SLC2A12: variants seen among roughly 807,000 people sequenced by gnomAD.
The protein encoded by SLC2A12 is solute carrier family 2 member 12.
Under a neutral mutation model 41.8 loss-of-function variants are expected in SLC2A12, and 23 were observed. The ratio of observed to expected loss-of-function variants is 0.55; its 90% CI spans 0.40 to 0.78. The LOEUF is 0.78. SLC2A12 is among the 30% of genes least tolerant of loss of function. The pLI is 0.00. For synonymous variants in SLC2A12, 295 were observed against 285.9 expected (o/e 1.03, Z -0.32); for missense variants, 654 against 745.6 (o/e 0.88, Z 1.43).
At chr6:134,043,371 G>A (rs1777410146) in intron 1 of SLC2A12, among the ~76,000 whole-genome samples, 1 of 152,072 alleles carries the variant, frequency 6.6e-6, no homozygotes, top group South Asian at 2.1e-4. Flanking sequence ...ACCATAAGGG[G>A]CCTGCAACTA....
intron 4 of SLC2A12, among the ~76,000 whole-genome samples, chr6:133,996,848 G>A (rs562083306): frequency 4.6e-5 from 7 of 151,998 alleles, no homozygotes; most frequent in Non-Finnish European, 1.0e-4. Context: ...TTTCTCTGTT[G>A]GAAACCTTGT....
chr6:134,032,050 G>A (rs1204987304), intron 1 of SLC2A12, among the ~76,000 whole-genome samples: 1 of 152,124 alleles, frequency 6.6e-6, no homozygotes, highest in Non-Finnish European at 1.5e-5. Flanking sequence ...AGCTAAGGCT[G>A]CCTTTTCGGG....
At chr6:134,015,512 C>A (rs1398651380) in intron 2 of SLC2A12, among the ~76,000 whole-genome samples, 2 of 152,126 alleles carry the variant, frequency 1.3e-5, no homozygotes, top group East Asian at 3.8e-4. Flanking sequence ...TAACCCTCTC[C>A]TGTTCAAAAA....
chr6:134,023,865 C>G (rs1271136965), intron 2 of SLC2A12, among the ~76,000 whole-genome samples: 1 of 152,148 alleles, frequency 6.6e-6, no homozygotes, highest in African/African-American at 2.4e-5. Flanking sequence ...AGGCCAGAGT[C>G]TGTTACTGTG....
At chr6:134,020,265 G>T (rs983717261) in intron 2 of SLC2A12, among the ~76,000 whole-genome samples, 2 of 152,180 alleles carry the variant, frequency 1.3e-5, no homozygotes, top group Non-Finnish European at 2.9e-5. Context: ...GTCTAATAAG[G>T]ATGGTTTAAT....
At chr6:134,041,016 G>A (rs1777375014) in intron 1 of SLC2A12, among the ~76,000 whole-genome samples, 1 of 152,130 alleles carries the variant, frequency 6.6e-6, no homozygotes, top group African/African-American at 2.4e-5. Flanking sequence ...ATGTCTGTAT[G>A]TTATTTTTCT....
At chr6:134,032,425 T>TAG (rs1562201589) in intron 1 of SLC2A12, among the ~76,000 whole-genome samples, 1 of 32,140 alleles carries the variant, frequency 3.1e-5, no homozygotes, top group African/African-American at 1.5e-4. Context: ...TATATATATA[T>TAG]TTATATATAT....
intron 1 of SLC2A12, 105 bp from the exon 2 acceptor site, chr6:134,029,826 G>C (rs1407804815): frequency 7.4e-7 from 1 of 1,348,856 alleles, no homozygotes; most frequent in African/African-American, 1.5e-5. Flanking sequence ...CATAGCACTG[G>C]GTTTAAACGA....
chr6:134,005,751 A>T (rs1178389400), intron 3 of SLC2A12, among the ~76,000 whole-genome samples: 2 of 150,516 alleles, frequency 1.3e-5, no homozygotes, highest in Non-Finnish European at 3.0e-5. Context: ...TTTGAAAATA[A>T]AAGTTTGTTA....
chr6:134,027,870 A>G (rs1030162766), intron 2 of SLC2A12, among the ~76,000 whole-genome samples: 1 of 152,186 alleles, frequency 6.6e-6, no homozygotes, highest in Non-Finnish European at 1.5e-5. Context: ...ATGGGAGGCT[A>G]CTCTAGTGAA....
intron 1 of SLC2A12, among the ~76,000 whole-genome samples, chr6:134,039,282 A>G (rs1204591178): frequency 6.6e-6 from 1 of 152,164 alleles, no homozygotes; most frequent in Admixed American, 6.5e-5. Context: ...CTGCTGTTGC[A>G]GTTTCATTCC....
At chr6:134,045,496 T>C (rs1302644271) in intron 1 of SLC2A12, among the ~76,000 whole-genome samples, 2 of 152,228 alleles carry the variant, frequency 1.3e-5, no homozygotes, top group African/African-American at 4.8e-5. Context: ...CGGCTAGACT[T>C]TGATAAGTCC....
intron 1 of SLC2A12, among the ~76,000 whole-genome samples, chr6:134,032,458 A>ATT (rs1777229536): frequency 2.2e-4 from 8 of 35,700 alleles, no homozygotes; most frequent in African/African-American, 8.9e-4. Flanking sequence ...AAATATATAT[A>ATT]TATATATTTT....
chr6:134,020,855 T>C lies in SLC2A12; in HGVS notation c.1444+7526A>G, dbSNP rs115550042. 5.2e-3 allele frequency among the ~76,000 whole-genome samples: 792 copies of C among 152,278 alleles called. 8 individuals carry two copies. The highest frequency in any genetic ancestry group is 0.018 in the African/African-American group (731 of 41,548). ...TCCAAACTTCCTTCAACCCTGAGAT[T>C]CTCCAACTCGTTGGCATTGCTTCTG... On this transcript the variant is annotated intron_variant, in intron 2 of 4. Coordinates refer to ENST00000275230, the MANE Select transcript of SLC2A12 (RefSeq NM_145176.3).
chr6:134,004,504 C>T (rs898399006), intron 3 of SLC2A12, among the ~76,000 whole-genome samples: 1 of 152,114 alleles, frequency 6.6e-6, no homozygotes, highest in Non-Finnish European at 1.5e-5. Context: ...TTTCAGCAAA[C>T]ATCCATTTTT....
chr6:133,993,220 A>G (rs945170178), intron 4 of SLC2A12, among the ~76,000 whole-genome samples: 1 of 152,022 alleles, frequency 6.6e-6, no homozygotes, highest in Non-Finnish European at 1.5e-5. Context: ...CTTAAATACC[A>G]CTTATAAGCT....
intron 2 of SLC2A12, among the ~76,000 whole-genome samples, chr6:134,021,248 C>A (rs533012186): frequency 4.6e-5 from 7 of 152,228 alleles, no homozygotes; most frequent in African/African-American, 1.7e-4. Flanking sequence ...GTAAAGAAGC[C>A]CAATTTGACA....
intron 2 of SLC2A12, among the ~76,000 whole-genome samples, chr6:134,027,219 T>A (rs980950041): frequency 6.6e-6 from 1 of 152,178 alleles, no homozygotes; most frequent in African/African-American, 2.4e-5. Context: ...TACATATTGC[T>A]TGAATTAATA....
chr6:133,987,624 T>TTG lies in SLC2A12; in HGVS notation c.*3529_*3530dup, dbSNP rs35068923. On this transcript the variant is annotated 3_prime_UTR_variant, in exon 5 of 5. Coordinates refer to ENST00000275230, the MANE Select transcript of SLC2A12 (RefSeq NM_145176.3). ...TGTTGGCTTCTTTTTGAAGTGTATT[T>TTG]TGTGTGTGTGTGTGTGTGTGTGTGT... The TTG allele has an allele frequency of 0.028, 3,915 of 139,612 alleles. 106 individuals carry two copies. Among genetic ancestry groups the TTG allele is most frequent in the African/African-American group, 0.056 (2,109 of 37,974 alleles). 8.6% of individuals were successfully genotyped at this position (139,612 alleles called of 1,614,324 possible).
Sources: allele counts gnomAD v4.1 joint callset (sites outside exome capture counted in the v4.1 genomes callset), GRCh38; gene constraint gnomAD v4.1.1; transcripts MANE v1.5; gene names NCBI Gene and HGNC (gene_info 2026-07-23, HGNC 2026-07-21).